Variants in ATP6V1G1 observed in about 807,000 individuals in gnomAD.
The protein encoded by ATP6V1G1 is ATPase H+ transporting V1 subunit G1.
ATP6V1G1 carries 14 observed loss-of-function variants against 14.2 expected under a neutral mutation model. The observed-to-expected ratio is 0.99, with a 90% CI of 0.65 to 1.55. The LOEUF (loss-of-function observed/expected upper bound fraction) is 1.55. Among genes scored for constraint, ATP6V1G1 ranks in the 40% most tolerant of loss-of-function variants. ATP6V1G1 has a pLI of 0.00. For missense variants in ATP6V1G1, 137 were observed against 146.4 expected, an observed-to-expected ratio of 0.94 and a Z score of 0.33; for synonymous variants, 65 against 53.3, an observed-to-expected ratio of 1.22 and a Z score of -0.96.
chr9:114,589,677 C>T (rs1436504527), intron 1 of ATP6V1G1, among the ~76,000 whole-genome samples: 1 of 152,154 alleles, frequency 6.6e-6, no homozygotes, highest in Admixed American at 6.6e-5. Flanking sequence ...AGTGTATTTC[C>T]AGAATGACTT....
At chr9:114,594,121 G>C (rs943684813) in intron 2 of ATP6V1G1, among the ~76,000 whole-genome samples, 3 of 150,596 alleles carry the variant, frequency 2.0e-5, no homozygotes, top group Non-Finnish European at 4.4e-5. Context: ...CCAGGCTGGA[G>C]TGCAATGGCA....
chr9:114,592,925 T>C (rs1270969160), intron 2 of ATP6V1G1, among the ~76,000 whole-genome samples: 1 of 152,238 alleles, frequency 6.6e-6, no homozygotes, highest in Non-Finnish European at 1.5e-5. Flanking sequence ...GGATCAGTTG[T>C]GACCAGGAAT....
rs529216093 is a variant in ATP6V1G1 at position 114,598,741 on chromosome 9, A to T, written c.*998A>T. 1.3e-5 allele frequency among the ~76,000 whole-genome samples: 2 copies of T among 152,200 alleles called. No individual in the cohort carries two copies. The highest frequency in any genetic ancestry group is 2.9e-5 in the Non-Finnish European group (2 of 68,040). Reference sequence around the variant, plus strand: ...ACCTTCATACTAGCCCTTACAAGTTAAATGTCCTGTGGCCATCTTAGCCGA... The same window carrying T: ...ACCTTCATACTAGCCCTTACAAGTTTAATGTCCTGTGGCCATCTTAGCCGA... On this transcript the variant is annotated 3_prime_UTR_variant, in exon 3 of 3. Coordinates refer to ENST00000374050, the MANE Select transcript of ATP6V1G1 (RefSeq NM_004888.4).
intron 1 of ATP6V1G1, 27 bp downstream of exon 1, chr9:114,587,947 C>A (rs765348247): frequency 6.4e-7 from 1 of 1,554,962 alleles, no homozygotes; most frequent in Non-Finnish European, 8.7e-7. Context: ...GGCTGCCCGG[C>A]GTGGCGCGAG....
chr9:114,596,515 T>A (rs941489797), intron 2 of ATP6V1G1, among the ~76,000 whole-genome samples: 2 of 152,228 alleles, frequency 1.3e-5, no homozygotes, highest in Non-Finnish European at 2.9e-5. Context: ...AGAATATTTA[T>A]ATTTGCAAGA....
chr9:114,596,266 T>A (rs1416655026), intron 2 of ATP6V1G1, among the ~76,000 whole-genome samples: 1 of 151,756 alleles, frequency 6.6e-6, no homozygotes. Flanking sequence ...CTGGCGCCTG[T>A]AGTCCCAGCT....
chr9:114,597,164 G>T (rs1159183331), intron 2 of ATP6V1G1, among the ~76,000 whole-genome samples: 1 of 151,292 alleles, frequency 6.6e-6, no homozygotes, highest in African/African-American at 2.4e-5. Flanking sequence ...CTAATTTTTT[G>T]TATTTTTAGT....
intron 1 of ATP6V1G1, among the ~76,000 whole-genome samples, chr9:114,592,020 T>A (rs1845186833): frequency 6.6e-6 from 1 of 152,212 alleles, no homozygotes; most frequent in South Asian, 2.1e-4. Flanking sequence ...TCAGCATTCC[T>A]TCTCAGTCAC....
intron 2 of ATP6V1G1, 85 bp from the exon 3 acceptor site, chr9:114,597,485 A>T: frequency 7.4e-7 from 1 of 1,359,792 alleles, no homozygotes; most frequent in South Asian, 2.1e-5. Context: ...TTTCTCCAAA[A>T]GTCAACAAGT....
intron 2 of ATP6V1G1, among the ~76,000 whole-genome samples, chr9:114,595,508 G>T (rs554809936): frequency 6.6e-6 from 1 of 152,082 alleles, no homozygotes. Flanking sequence ...ACAGAAATTA[G>T]CCGGGCATGG....
At chr9:114,588,740 G>T (rs966064349) in intron 1 of ATP6V1G1, among the ~76,000 whole-genome samples, 1 of 152,112 alleles carries the variant, frequency 6.6e-6, no homozygotes, top group Non-Finnish European at 1.5e-5. Context: ...GGAAGAACCC[G>T]TTCTGGTCCC....
intron 2 of ATP6V1G1, among the ~76,000 whole-genome samples, chr9:114,594,926 C>G (rs1289620798): frequency 7.2e-6 from 1 of 138,092 alleles, no homozygotes; most frequent in African/African-American, 2.7e-5. Flanking sequence ...ATGGCGCGAT[C>G]TTGGCTCACT....
chr9:114,590,614 G>A (rs188624164), intron 1 of ATP6V1G1, among the ~76,000 whole-genome samples: 1 of 151,972 alleles, frequency 6.6e-6, no homozygotes, highest in Non-Finnish European at 1.5e-5. Context: ...GGAACAGAGA[G>A]GTAGTCAGAA....
At chr9:114,590,572 C>G (rs554904368) in intron 1 of ATP6V1G1, among the ~76,000 whole-genome samples, 1 of 152,030 alleles carries the variant, frequency 6.6e-6, no homozygotes, top group African/African-American at 2.4e-5. Flanking sequence ...TGAGCGACTG[C>G]GCCTTGCCTG....
At chr9:114,596,252 G>A (rs983284967) in intron 2 of ATP6V1G1, among the ~76,000 whole-genome samples, 1 of 152,076 alleles carries the variant, frequency 6.6e-6, no homozygotes, top group Non-Finnish European at 1.5e-5. Context: ...GCCGGGCGTG[G>A]TGGCTGGCGC....
In ATP6V1G1 at chr9:114,587,774, A is replaced by G; in HGVS notation, c.-65A>G. 3 of 1,508,832 alleles carry G rather than the reference A, an allele frequency of 2.0e-6. No individual in the cohort carries two copies. Among genetic ancestry groups the G allele is most frequent in the Non-Finnish European group, 2.7e-6 (3 of 1,112,602 alleles). 93.5% of individuals were successfully genotyped at this position (1,508,832 alleles called of 1,614,324 possible). ...AGCGCAGATTGTGGGCGGCTGTGTC[A>G]GCTGACCCAAGGGGCCTTCGAGGTG... On this transcript the variant is annotated 5_prime_UTR_variant, in exon 1 of 3. Transcript: ENST00000374050.
chr9:114,588,293 G>A (rs768780640), intron 1 of ATP6V1G1, among the ~76,000 whole-genome samples: 19 of 151,958 alleles, frequency 1.3e-4, no homozygotes. Context: ...TAGAAACCTG[G>A]AGTCCTGCTT....
chr9:114,590,493 C>CA (rs1332092927), intron 1 of ATP6V1G1, among the ~76,000 whole-genome samples: 1 of 151,840 alleles, frequency 6.6e-6, no homozygotes, highest in Non-Finnish European at 1.5e-5. Flanking sequence ...TTAGTAGAGA[C>CA]AGTGTTTTAC....
At chr9:114,588,468 G>A (rs1345968144) in intron 1 of ATP6V1G1, among the ~76,000 whole-genome samples, 1 of 151,620 alleles carries the variant, frequency 6.6e-6, no homozygotes, top group Non-Finnish European at 1.5e-5. Context: ...TCTGATATGT[G>A]GCAAGCGCAG....
Sources: gnomAD v4.1 joint callset for allele counts (sites outside exome capture counted in the v4.1 genomes callset) on GRCh38, gnomAD v4.1.1 for gene constraint, MANE v1.5 for transcripts, NCBI Gene and HGNC (gene_info 2026-07-23, HGNC 2026-07-21) for gene names.